NAA50: variants seen among roughly 807,000 people sequenced by gnomAD.
NAA50 encodes the protein N-alpha-acetyltransferase 50.
Under a neutral mutation model 20.7 loss-of-function variants are expected in NAA50, and 7 were observed. That is an observed-to-expected ratio of 0.34 (90% confidence interval 0.19 to 0.63). The LOEUF (loss-of-function observed/expected upper bound fraction) is 0.63, where lower values mean the gene tolerates loss of function less well. Ranked by LOEUF, NAA50 falls within the 30% of genes least tolerant of loss-of-function variation. The pLI is 0.75. For missense variants in NAA50, 111 were observed against 199.1 expected (o/e 0.56, Z 2.66); for synonymous variants, 54 against 70.6 (o/e 0.77, Z 1.18).
Position 113,721,985 on chromosome 3 carries a change from T to C in NAA50, c.333-48A>G, listed in dbSNP as rs371046785. On this transcript the variant is annotated intron_variant, in intron 4 of 4. Coordinates refer to ENST00000240922, the MANE Select transcript of NAA50 (RefSeq NM_025146.4). ...AAAAAAAATTAAAATTAAGGTTTCA[T>C]CAAGTTTTAAGCATTCTCCACAGAT... 51 of 1,561,014 alleles carry C rather than the reference T, an allele frequency of 3.3e-5. No homozygotes were observed. In the Admixed American group the frequency reaches 5.3e-4, roughly 16 times the overall value.
intron 1 of NAA50, among the ~76,000 whole-genome samples, chr3:113,744,613 T>C (rs1186619182): frequency 2.0e-5 from 3 of 152,218 alleles, no homozygotes; most frequent in African/African-American, 7.2e-5. Context: ...TACCCGTCAA[T>C]TATATTTCCC....
In NAA50 at chr3:113,746,026, T is replaced by A; in HGVS notation, c.-77A>T. ...TCGCCGCCCTTAGGTCTCCGCACCC[T>A]TAGCTCGGGCCACTCAACCCCGCAA... On this transcript the variant is annotated 5_prime_UTR_variant, in exon 1 of 5. The change creates a new upstream start codon in the 5' untranslated region. Coordinates refer to ENST00000240922, the MANE Select transcript of NAA50 (RefSeq NM_025146.4). 1 of 1,580,232 alleles carries A rather than the reference T, an allele frequency of 6.3e-7. No individual in the cohort carries two copies. The highest frequency in any genetic ancestry group is 8.6e-7 in the Non-Finnish European group (1 of 1,166,902).
chr3:113,733,484 T>A (rs1445437416), intron 1 of NAA50, among the ~76,000 whole-genome samples: 2 of 152,148 alleles, frequency 1.3e-5, no homozygotes, highest in African/African-American at 4.8e-5. Flanking sequence ...AAGTACAAAC[T>A]GGATATCAGA....
chr3:113,730,251 G>T (rs1400640272), intron 1 of NAA50, among the ~76,000 whole-genome samples: 1 of 152,108 alleles, frequency 6.6e-6, no homozygotes, highest in African/African-American at 2.4e-5. Flanking sequence ...AGTGAGCCGA[G>T]ATCGCCACCA....
rs576804872 is a variant in NAA50 at position 113,716,714 on chromosome 3, G to C, written c.*5046C>G. ...TTGAGTTCAGATGTCTTGAGTTTTT[G>C]AGGACAGTAAAACAAGTAAAACTGG... On this transcript the variant is annotated 3_prime_UTR_variant, in exon 5 of 5. Coordinates refer to ENST00000240922, the MANE Select transcript of NAA50 (RefSeq NM_025146.4). 1.3e-5 allele frequency: 2 copies of C among 152,318 alleles called. No individual in the cohort carries two copies. The highest frequency in any genetic ancestry group is 4.1e-4 in the South Asian group (2 of 4,828). The allele number at this position is 152,318 out of a possible 1,614,324, so 9.4% of individuals were successfully genotyped here.
At chr3:113,733,431 GA>G (rs1186843804) in intron 1 of NAA50, among the ~76,000 whole-genome samples, 2 of 151,000 alleles carry the variant, frequency 1.3e-5, no homozygotes, top group African/African-American at 2.4e-5. Context: ...ATTCTAATGT[GA>G]AAAAAAATCT....
chr3:113,726,129 G>C (rs1379320731), intron 1 of NAA50, among the ~76,000 whole-genome samples: 1 of 151,986 alleles, frequency 6.6e-6, no homozygotes, highest in Admixed American at 6.5e-5. Context: ...TTCATGTCTT[G>C]TATGTCTTCC....
At chr3:113,731,752 T>C (rs1708276874) in intron 1 of NAA50, among the ~76,000 whole-genome samples, 1 of 152,214 alleles carries the variant, frequency 6.6e-6, no homozygotes, top group South Asian at 2.1e-4. Context: ...TTCTTTCATG[T>C]GGCATGATTT....
At chr3:113,732,797 C>A (rs1456955507) in intron 1 of NAA50, among the ~76,000 whole-genome samples, 1 of 152,218 alleles carries the variant, frequency 6.6e-6, no homozygotes, top group East Asian at 1.9e-4. Flanking sequence ...TCTGCCAACA[C>A]CTTGATTTTA....
intron 1 of NAA50, among the ~76,000 whole-genome samples, chr3:113,741,885 C>T (rs975120450): frequency 6.6e-6 from 1 of 152,188 alleles, no homozygotes; most frequent in African/African-American, 2.4e-5. Context: ...CACGATGATT[C>T]TATTTACAGA....
chr3:113,722,912 ATG>A lies in NAA50; in HGVS notation c.324_325del (p.Ile109LeufsTer9), dbSNP rs1207761497. 6.5e-7 allele frequency: 1 copy of A among 1,535,494 alleles called. No individual in the cohort carries two copies. On this transcript the variant is annotated frameshift_variant, in exon 4 of 5. Transcript: ENST00000240922. LOFTEE classifies it high-confidence loss of function. ...TAAATATTATTTTACTTACAGATAA[ATG>A]TTGTCAAAAGTACCATCTTTTTCAC... is the stretch of plus-strand genomic sequence containing the variant.
intron 1 of NAA50, among the ~76,000 whole-genome samples, chr3:113,743,491 C>T (rs1436286528): frequency 2.0e-5 from 3 of 152,134 alleles, no homozygotes; most frequent in Non-Finnish European, 4.4e-5. Flanking sequence ...GAACTCAAGG[C>T]GCTTAACTTA....
chr3:113,746,145 C>T lies in NAA50; in HGVS notation c.-196G>A, dbSNP rs1559744715. 1.7e-6 allele frequency: 1 copy of T among 601,488 alleles called. No homozygotes were observed. The highest frequency in any genetic ancestry group is 3.4e-5 in the East Asian group (1 of 29,684). The allele number at this position is 601,488 out of a possible 1,614,324, so 37.3% of individuals were successfully genotyped here. A position where few individuals can be genotyped will look rare whatever the true frequency, so the allele number is the denominator to read the frequency against. ...AGTCTGGTGGGGGCGGGAGTGTCTCCCGCCGCCGCGCTTGTGCCGCCGCTT... is the reference window on the plus strand; with the variant it reads ...AGTCTGGTGGGGGCGGGAGTGTCTCTCGCCGCCGCGCTTGTGCCGCCGCTT... On this transcript the variant is annotated 5_prime_UTR_variant, in exon 1 of 5. Coordinates refer to ENST00000240922, the MANE Select transcript of NAA50 (RefSeq NM_025146.4).
At chr3:113,723,694 A>C (rs1043559857) in intron 2 of NAA50, 153 bp from the exon 3 acceptor site, 2 of 978,136 alleles carry the variant, frequency 2.0e-6, no homozygotes, top group Non-Finnish European at 2.9e-6. Flanking sequence ...ATGCCATCTT[A>C]GGAAGTTTAA....
At chr3:113,744,663 G>C (rs1473386161) in intron 1 of NAA50, among the ~76,000 whole-genome samples, 2 of 152,114 alleles carry the variant, frequency 1.3e-5, no homozygotes, top group Non-Finnish European at 2.9e-5. Flanking sequence ...AACAATGCAG[G>C]TACTGTGAAT....
intron 1 of NAA50, among the ~76,000 whole-genome samples, chr3:113,745,576 C>T (rs1428602352): frequency 6.6e-6 from 1 of 152,208 alleles, no homozygotes; most frequent in Non-Finnish European, 1.5e-5. Context: ...AACCAAACCA[C>T]TCCACCTGGA....
At chr3:113,743,777 T>C (rs1374419154) in intron 1 of NAA50, among the ~76,000 whole-genome samples, 1 of 152,222 alleles carries the variant, frequency 6.6e-6, no homozygotes, top group Non-Finnish European at 1.5e-5. Flanking sequence ...ACAGATTCAA[T>C]AGTTGTAAGT....
intron 1 of NAA50, among the ~76,000 whole-genome samples, chr3:113,730,801 T>C (rs577157784): frequency 1.3e-5 from 2 of 152,384 alleles, no homozygotes; most frequent in African/African-American, 4.8e-5. Flanking sequence ...TATTCCATTA[T>C]GTGGATGTAC....
At chr3:113,735,151 T>C (rs1048315263) in intron 1 of NAA50, among the ~76,000 whole-genome samples, 1 of 152,158 alleles carries the variant, frequency 6.6e-6, no homozygotes, top group African/African-American at 2.4e-5. Context: ...TAAGAAACAC[T>C]TGAATTTTAG....
Sources: allele counts gnomAD v4.1 joint callset (sites outside exome capture counted in the v4.1 genomes callset), GRCh38; gene constraint gnomAD v4.1.1; transcripts MANE v1.5; gene names NCBI Gene and HGNC (gene_info 2026-07-23, HGNC 2026-07-21).